MCMBP: variants seen among roughly 807,000 people sequenced by gnomAD.
MCMBP encodes minichromosome maintenance complex binding protein.
MCMBP carries 31 observed loss-of-function variants against 81.3 expected under a neutral mutation model. That is an observed-to-expected ratio of 0.38 (90% CI 0.29 to 0.51). MCMBP has a LOEUF of 0.51. Ranked by LOEUF, MCMBP falls within the 20% of genes least tolerant of loss-of-function variation. The probability of loss-of-function intolerance (pLI) is 0.87; values close to 1 mark genes in which losing one functional copy is unlikely to be tolerated. For missense variants in MCMBP, 645 were observed against 772.1 expected (o/e 0.84, Z 1.95); for synonymous variants, 267 against 275.9 (o/e 0.97, Z 0.32).
intron 11 of MCMBP, among the ~76,000 whole-genome samples, chr10:119,839,752 C>G (rs1338275630): frequency 6.6e-6 from 1 of 152,186 alleles, no homozygotes; most frequent in Non-Finnish European, 1.5e-5. Context: ...CCACACTTAA[C>G]TATCTTTAAG....
intron 1 of MCMBP, among the ~76,000 whole-genome samples, chr10:119,862,125 G>C (rs2134396800): frequency 6.6e-6 from 1 of 152,256 alleles, no homozygotes; most frequent in African/African-American, 2.4e-5. Flanking sequence ...TGGTCAATAT[G>C]ATGAAACCCC....
At chr10:119,854,573 AAAT>A (rs1431013702) in intron 5 of MCMBP, among the ~76,000 whole-genome samples, 12 of 148,258 alleles carry the variant, frequency 8.1e-5, no homozygotes, top group Non-Finnish European at 1.5e-4. Flanking sequence ...ATAAATAAAT[AAAT>A]AAAACAAAAT....
Position 119,853,133 on chromosome 10 carries a change from T to C in MCMBP, c.491A>G (p.His164Arg), listed in dbSNP as rs1280714691. 1.1e-5 allele frequency: 17 copies of C among 1,614,086 alleles called. No homozygotes were observed. Among genetic ancestry groups the C allele is most frequent in the Middle Eastern group, 1.6e-4 (1 of 6,084 alleles). The change falls in exon 6 of 16, where the codon CAC becomes CGC. Residue 164 changes from histidine (H) to arginine (R), a missense_variant. Transcript: ENST00000369077. ...SPSTSYTPSR[H>R]KRSYEDDDDM... ...GTCATCATCTTCATAACTCCTCTTG[T>C]GGCGACTAGGAGTGTAGGATGTTGA...
At chr10:119,857,504 T>A in intron 4 of MCMBP, 65 bp from the exon 5 acceptor site, 1 of 1,039,188 alleles carries the variant, frequency 9.6e-7, no homozygotes, top group Non-Finnish European at 1.4e-6. Flanking sequence ...TATTTTAAAA[T>A]TAGCAACCAC....
At chr10:119,849,668 G>A (rs1320009235) in intron 6 of MCMBP, 92 bp from the exon 7 acceptor site, 4 of 1,179,252 alleles carry the variant, frequency 3.4e-6, no homozygotes, top group East Asian at 5.5e-5. Flanking sequence ...TTTGATATAC[G>A]TGATGCTTCT....
At chr10:119,858,498 G>T (rs1280987443) in intron 4 of MCMBP, among the ~76,000 whole-genome samples, 1 of 151,276 alleles carries the variant, frequency 6.6e-6, no homozygotes, top group African/African-American at 2.4e-5. Context: ...ACCTAGGAAT[G>T]AATATTTCAT....
Position 119,831,431 on chromosome 10 carries a change from T to C in MCMBP, c.*43A>G, listed in dbSNP as rs202190030. The C allele has an allele frequency of 1.0e-5, 16 of 1,606,280 alleles. No individual in the cohort carries two copies. The highest frequency in any genetic ancestry group is 3.3e-5 in the South Asian group (3 of 90,014). On this transcript the variant is annotated 3_prime_UTR_variant, in exon 16 of 16. Transcript: ENST00000369077. ...AATGAATATCTGAATTTTACAATTATGTGGCTACAGTTTGCCCATTACTCT... is the reference window on the plus strand; with the variant it reads ...AATGAATATCTGAATTTTACAATTACGTGGCTACAGTTTGCCCATTACTCT...
At chr10:119,831,644 A>G in intron 15 of MCMBP, 44 bp from the exon 16 acceptor site, 1 of 1,595,452 alleles carries the variant, frequency 6.3e-7, no homozygotes, top group East Asian at 2.2e-5. Context: ...GAGCTGGGAT[A>G]GTAAGTTTTA....
chr10:119,852,215 C>T (rs1852856318), intron 6 of MCMBP, among the ~76,000 whole-genome samples: 1 of 145,512 alleles, frequency 6.9e-6, no homozygotes, highest in African/African-American at 2.6e-5. Flanking sequence ...TAGTAAATGA[C>T]CAGACTGATT....
In MCMBP at chr10:119,872,717, G is replaced by T; in HGVS notation, c.-133C>A. On this transcript the variant is annotated 5_prime_UTR_variant, in exon 1 of 16. Transcript: ENST00000369077. ...CCCGCGTTCGCTCGCGCCCTCCCACGCACAGCGAGCCGCGGGGCGCGGGCC... is the reference window on the plus strand; with the variant it reads ...CCCGCGTTCGCTCGCGCCCTCCCACTCACAGCGAGCCGCGGGGCGCGGGCC... The T allele has an allele frequency of 3.4e-6, 1 of 294,800 alleles. No homozygotes were observed. The highest frequency in any genetic ancestry group is 5.4e-6 in the Non-Finnish European group (1 of 184,446). The allele number at this position is 294,800 out of a possible 1,614,324, so 18.3% of individuals were successfully genotyped here.
chr10:119,868,145 C>G (rs976092097), intron 1 of MCMBP, among the ~76,000 whole-genome samples: 15 of 152,266 alleles, frequency 9.9e-5, no homozygotes, highest in African/African-American at 3.6e-4. Flanking sequence ...GCTAAAGAGG[C>G]TGGGCGCAGC....
At chr10:119,855,495 C>A (rs1274341475) in intron 5 of MCMBP, among the ~76,000 whole-genome samples, 3 of 152,104 alleles carry the variant, frequency 2.0e-5, no homozygotes, top group African/African-American at 7.2e-5. Flanking sequence ...CATGGTAAAA[C>A]CCCGTCTCTA....
intron 14 of MCMBP, among the ~76,000 whole-genome samples, chr10:119,833,168 AAACT>A (rs1186818926): frequency 1.3e-5 from 2 of 152,212 alleles, no homozygotes; most frequent in Non-Finnish European, 2.9e-5. Flanking sequence ...ATTAACCACA[AAACT>A]AACAGAGCAG....
chr10:119,840,032 G>T (rs1374051846), intron 11 of MCMBP, among the ~76,000 whole-genome samples: 1 of 152,030 alleles, frequency 6.6e-6, no homozygotes, highest in Non-Finnish European at 1.5e-5. Context: ...TTTTTGGCTT[G>T]GGAAAAGTTG....
intron 12 of MCMBP, 75 bp downstream of exon 12, chr10:119,838,460 T>TA (rs1852327454): frequency 7.0e-7 from 1 of 1,438,582 alleles, no homozygotes; most frequent in African/African-American, 1.4e-5. Flanking sequence ...ATAGATACTC[T>TA]TCTAAAAGTT....
chr10:119,833,355 G>A (rs1218881878), intron 14 of MCMBP, among the ~76,000 whole-genome samples: 1 of 152,022 alleles, frequency 6.6e-6, no homozygotes, highest in African/African-American at 2.4e-5. Context: ...TAAAATGTCT[G>A]GTTGTGGCTA....
In MCMBP at chr10:119,859,148, A is replaced by G; in HGVS notation, c.178T>C (p.Leu60=). ...PSLNEVPLHY[L]KPNSFVKFRC... ...AATTTCACAAAACTATTAGGTTTCA[A>G]ATAATGAAGGGGAACTTCGTTCAGT... The change falls in exon 3 of 16, where the codon TTG becomes CTG. Residue 60 remains leucine (L), a synonymous_variant. Transcript: ENST00000369077. 1 of 1,613,890 alleles carries G rather than the reference A, an allele frequency of 6.2e-7. No individual in the cohort carries two copies. The highest frequency in any genetic ancestry group is 8.5e-7 in the Non-Finnish European group (1 of 1,179,894).
intron 13 of MCMBP, among the ~76,000 whole-genome samples, chr10:119,836,308 C>A (rs1852239650): frequency 6.6e-6 from 1 of 152,188 alleles, no homozygotes; most frequent in African/African-American, 2.4e-5. Context: ...ACACAGAAAA[C>A]ATATCCTTGA....
chr10:119,849,387 T>C (rs1305011651), intron 7 of MCMBP, 38 bp downstream of exon 7: 3 of 1,585,972 alleles, frequency 1.9e-6, no homozygotes, highest in Non-Finnish European at 1.7e-6. Flanking sequence ...CTGAGACACA[T>C]AACATTTCAG....
Sources: allele counts gnomAD v4.1 joint callset (sites outside exome capture counted in the v4.1 genomes callset), GRCh38; gene constraint gnomAD v4.1.1; transcripts MANE v1.5; gene names NCBI Gene and HGNC (gene_info 2026-07-23, HGNC 2026-07-21).